The following EMILIN2 variants were observed in gnomAD, a reference collection of about 807,000 sequenced individuals.
EMILIN2 encodes the protein elastin microfibril interfacer 2.
A neutral mutation model predicts 87.1 loss-of-function variants in EMILIN2; 71 were observed. That is an observed-to-expected ratio of 0.82 (90% CI 0.67 to 0.99). The LOEUF is 0.99. Among genes scored for constraint, EMILIN2 ranks in the 50% least tolerant of loss-of-function variants. EMILIN2 has a pLI of 0.00. For synonymous variants in EMILIN2, 581 were observed against 563.4 expected (o/e 1.03, Z -0.44); for missense variants, 1,407 against 1,371.8 (o/e 1.03, Z -0.40).
chr18:2,867,755 T>C (rs1297512464), intron 2 of EMILIN2, among the ~76,000 whole-genome samples: 3 of 152,200 alleles, frequency 2.0e-5, no homozygotes, highest in African/African-American at 7.2e-5. Flanking sequence ...TACTTCTTTC[T>C]ACACAGACAC....
rs557187033 is a variant in EMILIN2, at chr18:2,912,432, G to T, written c.2825-635G>T. Among the ~76,000 whole-genome samples, 7 of 152,332 alleles carry T rather than the reference G, an allele frequency of 4.6e-5. 1 individual carries two copies. In the South Asian group the frequency reaches 1.4e-3, roughly 32 times the overall value. On this transcript the variant is annotated intron_variant, in intron 7 of 7. Coordinates refer to ENST00000254528, the MANE Select transcript of EMILIN2 (RefSeq NM_032048.3). ...AGGTCCGATGTCTGCTGCGGAGCCC[G>T]TGAGTGATGGCCATTCCTGCCGGCA...
At chr18:2,872,525 A>T (rs114147556) in intron 2 of EMILIN2, among the ~76,000 whole-genome samples, 99 of 152,310 alleles carry the variant, frequency 6.5e-4, no homozygotes, top group African/African-American at 2.3e-3. Context: ...CCTGGACTGA[A>T]AATGGTTTTT....
At chr18:2,873,743 G>T (rs553274282) in intron 2 of EMILIN2, among the ~76,000 whole-genome samples, 233 of 152,086 alleles carry the variant, frequency 1.5e-3, no homozygotes, top group African/African-American at 4.5e-3. Flanking sequence ...TTTAAAAAAT[G>T]GAAAAAATCG....
chr18:2,914,889 A>G lies in EMILIN2; in HGVS notation c.*1485A>G, dbSNP rs1416339165. 6.6e-5 allele frequency: 10 copies of G among 152,208 alleles called. No homozygotes were observed. Among genetic ancestry groups the G allele is most frequent in the Admixed American group, 5.9e-4 (9 of 15,278 alleles). 9.4% of individuals were successfully genotyped at this position (152,208 alleles called of 1,614,324 possible). On this transcript the variant is annotated 3_prime_UTR_variant, in exon 8 of 8. Coordinates refer to ENST00000254528, the MANE Select transcript of EMILIN2 (RefSeq NM_032048.3). ...GTCCAGGAGCGGGAGGGAGAATGGC[A>G]TCTCACCCCATTACAACAGCTGGGG...
At chr18:2,858,557 ATATATATATATATGTGTG>A (rs2076641511) in intron 2 of EMILIN2, among the ~76,000 whole-genome samples, 1 of 54,534 alleles carries the variant, frequency 1.8e-5, no homozygotes, top group Admixed American at 1.9e-4. Flanking sequence ...ATATATATAT[ATATATATATATATGTGTG>A]TGTGTGTGTA....
intron 3 of EMILIN2, among the ~76,000 whole-genome samples, chr18:2,889,938 C>T (rs945371549): frequency 8.5e-5 from 13 of 152,106 alleles, no homozygotes; most frequent in Non-Finnish European, 1.8e-4. Context: ...TGCTTTTTGT[C>T]TCCCAAACTG....
chr18:2,858,581 G>GTATATATATATATATATATATA (rs1416903980), intron 2 of EMILIN2, among the ~76,000 whole-genome samples: 6 of 64,792 alleles, frequency 9.3e-5, no homozygotes, highest in Non-Finnish European at 1.0e-4. Flanking sequence ...GTGTGTGTGT[G>GTATATATATATATATATATATA]TGTATATATA....
rs917842427 is a variant in EMILIN2, at chr18:2,907,040, G to C, written c.2617G>C (p.Gly873Arg). 12 of 1,289,294 alleles carry C rather than the reference G, an allele frequency of 9.3e-6. No homozygotes were observed. The highest frequency in any genetic ancestry group is 4.0e-5 in the Admixed American group (1 of 24,700). The allele number at this position is 1,289,294 out of a possible 1,614,324, so 79.9% of individuals were successfully genotyped here. The change falls in exon 5 of 8, where the codon GGG (glycine) becomes CGG (arginine). Residue 873 changes from glycine to arginine, a missense_variant. By Grantham distance (125) the Gly-to-Arg change is moderately radical. Transcript: ENST00000254528. ...GCCGCGGGGCGTGGACGGCCAGACC[G>C]GGAGCGGCACCGTCCCCGGCGCAGA... ...GLPRGVDGQT[G>R]SGTVPGAEGF... is the part of the protein sequence containing the mutation.
intron 5 of EMILIN2, among the ~76,000 whole-genome samples, chr18:2,908,334 C>CGATA (rs1240919928): frequency 6.6e-6 from 1 of 152,186 alleles, no homozygotes; most frequent in Non-Finnish European, 1.5e-5. Flanking sequence ...ATCCACCCAT[C>CGATA]GATACATCCA....
In EMILIN2 at chr18:2,880,241, A is replaced by G. The variant is rs953038782; in HGVS notation, c.258-4723A>G. Among the ~76,000 whole-genome samples, 3 of 151,902 alleles carry G rather than the reference A, an allele frequency of 2.0e-5. No homozygotes were observed. The highest frequency in any genetic ancestry group is 4.8e-5 in the African/African-American group (2 of 41,304). On this transcript the variant is annotated intron_variant, in intron 2 of 7. Coordinates refer to ENST00000254528, the MANE Select transcript of EMILIN2 (RefSeq NM_032048.3). This position sits in a 1 kb window ranked among gnomAD's most constrained non-coding sequence, Gnocchi z 4.1. ...TTTTAACAGGGACACTTCCAGTCAT[A>G]TGGTCCCTGGACGCTGACACAACTT...
intron 2 of EMILIN2, among the ~76,000 whole-genome samples, chr18:2,859,129 T>A (rs1455287938): frequency 6.6e-6 from 1 of 152,190 alleles, no homozygotes; most frequent in Non-Finnish European, 1.5e-5. Context: ...TTTAGTTCTT[T>A]AAGGAACCCC....
chr18:2,853,308 C>T (rs1010060717), intron 2 of EMILIN2, among the ~76,000 whole-genome samples: 1 of 152,096 alleles, frequency 6.6e-6, no homozygotes, highest in African/African-American at 2.4e-5. Flanking sequence ...ATCCTGCCAC[C>T]CCCCCAGCCC....
intron 2 of EMILIN2, among the ~76,000 whole-genome samples, chr18:2,859,516 G>T (rs1229690328): frequency 6.6e-6 from 1 of 152,058 alleles, no homozygotes; most frequent in Non-Finnish European, 1.5e-5. Context: ...CTACTCTGTG[G>T]GTTGTCTGTT....
At chr18:2,878,829 C>T (rs2076762711) in intron 2 of EMILIN2, among the ~76,000 whole-genome samples, 1 of 152,182 alleles carries the variant, frequency 6.6e-6, no homozygotes, top group Non-Finnish European at 1.5e-5. Context: ...GCAAGAAGAG[C>T]TGGCTCCAGG....
chr18:2,878,438 C>G (rs941247602), intron 2 of EMILIN2, among the ~76,000 whole-genome samples: 4 of 151,312 alleles, frequency 2.6e-5, no homozygotes, highest in African/African-American at 9.7e-5. Flanking sequence ...TGCAGTGAGC[C>G]GAGATCACGC....
At chr18:2,889,133 C>CTTTTCTTTTTTTTTT (rs2076819032) in intron 3 of EMILIN2, among the ~76,000 whole-genome samples, 3 of 84,350 alleles carry the variant, frequency 3.6e-5, no homozygotes, top group African/African-American at 9.9e-5. Context: ...TCTTTCTTTT[C>CTTTTCTTTTTTTTTT]TTTTTTTTTT....
chr18:2,881,596 C>T (rs1388087973), intron 2 of EMILIN2, among the ~76,000 whole-genome samples: 1 of 152,232 alleles, frequency 6.6e-6, no homozygotes, highest in Admixed American at 6.5e-5. Context: ...GGCCGTTCCT[C>T]TTCAATGGGC....
chr18:2,897,487 C>T (rs2076868793), intron 4 of EMILIN2, among the ~76,000 whole-genome samples: 1 of 152,204 alleles, frequency 6.6e-6, no homozygotes, highest in African/African-American at 2.4e-5. Context: ...TCCGGTGATG[C>T]TGTAGGTGGC....
chr18:2,884,925 G>T, intron 2 of EMILIN2, 39 bp from the exon 3 acceptor site: 1 of 1,534,522 alleles, frequency 6.5e-7, no homozygotes, highest in Non-Finnish European at 8.8e-7. Flanking sequence ...GCTTGTAACG[G>T]CAGCCAGTAA....
Sources: allele counts gnomAD v4.1 joint callset (sites outside exome capture counted in the v4.1 genomes callset), GRCh38; gene constraint gnomAD v4.1.1; non-coding constraint Gnocchi (gnomAD v3.1); transcripts MANE v1.5; gene names NCBI Gene and HGNC (gene_info 2026-07-23, HGNC 2026-07-21).